AP2A1: variants seen among roughly 807,000 people sequenced by gnomAD.
AP2A1 encodes the protein adaptor related protein complex 2 subunit alpha 1, also known as AP-2 complex subunit alpha-1.
In AP2A1, 21 loss-of-function variants were observed where a neutral mutation model predicts 107.3. That is an observed-to-expected ratio of 0.20 (90% confidence interval 0.14 to 0.28). The LOEUF (loss-of-function observed/expected upper bound fraction) is 0.28, where lower values mean the gene tolerates loss of function less well. Among genes scored for constraint, AP2A1 ranks in the 10% least tolerant of loss-of-function variants. The pLI is 1.00. For missense variants in AP2A1, 873 were observed against 1,307.7 expected, an observed-to-expected ratio of 0.67 and a Z score of 5.13; for synonymous variants, 602 against 564.8, an observed-to-expected ratio of 1.07 and a Z score of -0.93.
In AP2A1 at chr19:49,788,009, T is replaced by C. The variant is rs572583091; in HGVS notation, c.474-3926T>C. On this transcript the variant is annotated intron_variant, in intron 4 of 22. Transcript: ENST00000354293. This position sits in a 1 kb window ranked among gnomAD's most constrained non-coding sequence, Gnocchi z 4.5. ...CTGCCCAGGCTGGAGTGCAGTGGCA[T>C]GATCATAGCTAACTGCAGCCCTGAC... Among the ~76,000 whole-genome samples, 69 of 152,346 alleles carry C rather than the reference T, an allele frequency of 4.5e-4. No individual in the cohort carries two copies. Among genetic ancestry groups the C allele is most frequent in the African/African-American group, 1.5e-3 (61 of 41,584 alleles).
At chr19:49,803,453 G>C (rs1234947287) in intron 18 of AP2A1, 77 bp downstream of exon 18, 57 of 1,181,140 alleles carry the variant, frequency 4.8e-5, no homozygotes, top group East Asian at 3.8e-4. Flanking sequence ...GGCTGACCCA[G>C]GTCCACACTT....
At chr19:49,778,559 G>A (rs2084640283) in intron 1 of AP2A1, among the ~76,000 whole-genome samples, 1 of 152,096 alleles carries the variant, frequency 6.6e-6, no homozygotes, top group African/African-American at 2.4e-5. Flanking sequence ...CTCCAGCCTG[G>A]GCGACAAGAG....
intron 20 of AP2A1, 38 bp from the exon 21 acceptor site, chr19:49,805,834 C>T (rs754346138): frequency 6.2e-7 from 1 of 1,612,872 alleles, no homozygotes; most frequent in African/African-American, 1.3e-5. Context: ...GCGGGTCGGG[C>T]CGTCCAGGTC....
intron 1 of AP2A1, among the ~76,000 whole-genome samples, chr19:49,780,080 A>G (rs116711254): frequency 0.016 from 2,461 of 152,328 alleles, 62 homozygotes; most frequent in African/African-American, 0.056. Flanking sequence ...GCTGGGGACT[A>G]CGCCCTGAAG....
chr19:49,806,705 A>G lies in AP2A1; in HGVS notation c.2815A>G (p.Ser939Gly), dbSNP rs779379351. The G allele has an allele frequency of 6.2e-7, 1 of 1,613,140 alleles. No homozygotes were observed. The highest frequency in any genetic ancestry group is 8.5e-7 in the Non-Finnish European group (1 of 1,179,810). Residue 939 changes from serine to glycine, a missense_variant, in exon 23 of 23, where the codon AGC becomes GGC. Physicochemically the swap from Ser to Gly is moderately conservative, Grantham distance 56. Around this residue, in one of 4 missense-constraint regions of AP2A1, gnomAD observed 416 missense variants for 473.4 expected, o/e 0.88. Transcript: ENST00000354293. ...GATGTACCGGCTGACCCTGCGCACCAGCAAGGAGCCCGTCTCCCGTCACCT... is the reference window on the plus strand; with the variant it reads ...GATGTACCGGCTGACCCTGCGCACCGGCAAGGAGCCCGTCTCCCGTCACCT... Reference protein sequence around the residue: ...AQMYRLTLRTSKEPVSRHLCE... With the variant: ...AQMYRLTLRTGKEPVSRHLCE...
intron 1 of AP2A1, among the ~76,000 whole-genome samples, chr19:49,769,427 G>C (rs761218706): frequency 6.6e-6 from 1 of 152,166 alleles, no homozygotes; most frequent in Non-Finnish European, 1.5e-5. Context: ...AGGGTACTCA[G>C]TAGGCCTCGT....
intron 6 of AP2A1, among the ~76,000 whole-genome samples, chr19:49,795,318 C>T (rs934809671): frequency 9.9e-5 from 15 of 152,176 alleles, no homozygotes; most frequent in African/African-American, 7.2e-5. Context: ...GTGTGCCTGA[C>T]GCTTCCTCGC....
intron 15 of AP2A1, chr19:49,802,514 T>C (rs1489378629): frequency 2.5e-6 from 4 of 1,604,688 alleles, no homozygotes; most frequent in South Asian, 2.2e-5. Context: ...TCTTGTCTGC[T>C]CTGGGATTGG....
chr19:49,787,338 G>GTTTTTTT (rs1418425703), intron 4 of AP2A1, among the ~76,000 whole-genome samples: 8 of 89,760 alleles, frequency 8.9e-5, no homozygotes, highest in African/African-American at 1.5e-4. Flanking sequence ...TTTTTTGTTT[G>GTTTTTTT]TTTTTTTTGT....
chr19:49,791,228 ATTT>A (rs890767006), intron 4 of AP2A1, among the ~76,000 whole-genome samples: 35 of 152,266 alleles, frequency 2.3e-4, no homozygotes, highest in South Asian at 4.1e-4. Context: ...TTATTTTTAA[ATTT>A]TTTTATTTAT....
chr19:49,787,827 C>A (rs2073092791), intron 4 of AP2A1, among the ~76,000 whole-genome samples: 3 of 152,214 alleles, frequency 2.0e-5, no homozygotes, highest in South Asian at 4.1e-4. Flanking sequence ...AATCTGCTTT[C>A]TGTCACAGAT....
Position 49,771,716 on chromosome 19 carries a change from G to A in AP2A1, c.67+4516G>A, listed in dbSNP as rs577730632. Among the ~76,000 whole-genome samples, 10 of 152,054 alleles carry A rather than the reference G, an allele frequency of 6.6e-5. No homozygotes were observed. In the South Asian group the frequency reaches 2.1e-3, roughly 32 times the overall value. ...GAGCCACCGCGCCTGGCCGTATCTC[G>A]ATTTTTTTTTAAATGGGGAAAGAAT... On this transcript the variant is annotated intron_variant, in intron 1 of 22. Coordinates refer to ENST00000354293, the MANE Select transcript of AP2A1 (RefSeq NM_130787.3).
intron 6 of AP2A1, among the ~76,000 whole-genome samples, chr19:49,795,216 G>A (rs1288788121): frequency 6.6e-6 from 1 of 152,178 alleles, no homozygotes; most frequent in African/African-American, 2.4e-5. Flanking sequence ...CACACAGAAG[G>A]GAACCAGCAG....
At position 49,798,095 on chromosome 19, in the gene AP2A1, C is replaced by T. The variant is rs77658037; in HGVS notation, c.815-707C>T. ...TTCCTCTATCTGGTGAATTTTCCTG[C>T]GGAAAATTCTGCAGAAAAATCTGCG... On this transcript the variant is annotated intron_variant, in intron 7 of 22. Coordinates refer to ENST00000354293, the MANE Select transcript of AP2A1 (RefSeq NM_130787.3). Among the ~76,000 whole-genome samples the T allele has an allele frequency of 6.2e-3, 948 of 152,278 alleles. 6 individuals carry two copies. Among genetic ancestry groups the T allele is most frequent in the African/African-American group, 0.021 (881 of 41,564 alleles).
chr19:49,805,796 G>A lies in AP2A1; in HGVS notation c.2585+19G>A. ...TGAGCCTGTGAGGGGTGGGGAGGGGGCGGAGCCAAAGCCGCGCCTCTGGGT... is the reference window on the plus strand; with the variant it reads ...TGAGCCTGTGAGGGGTGGGGAGGGGACGGAGCCAAAGCCGCGCCTCTGGGT... On this transcript the variant is annotated intron_variant, in intron 20 of 22. Transcript: ENST00000354293. 1 of 1,608,824 alleles carries A rather than the reference G, an allele frequency of 6.2e-7. No homozygotes were observed. Among genetic ancestry groups the A allele is most frequent in the South Asian group, 1.1e-5 (1 of 90,524 alleles).
chr19:49,791,810 G>A (rs982877688), intron 4 of AP2A1, 125 bp from the exon 5 acceptor site: 7 of 1,290,990 alleles, frequency 5.4e-6, no homozygotes, highest in East Asian at 2.6e-5. Flanking sequence ...TCCTGCGGCC[G>A]CCTGGCTGTC....
chr19:49,776,170 C>G (rs1248678261), intron 1 of AP2A1, among the ~76,000 whole-genome samples: 1 of 152,084 alleles, frequency 6.6e-6, no homozygotes, highest in South Asian at 2.1e-4. Context: ...GTGGTCTGGC[C>G]CCACCTGCTG....
intron 6 of AP2A1, among the ~76,000 whole-genome samples, chr19:49,794,370 T>G (rs1177672870): frequency 6.6e-6 from 1 of 151,530 alleles, no homozygotes; most frequent in Non-Finnish European, 1.5e-5. Context: ...GCCTGGCTAA[T>G]TTTTGTATTT....
intron 18 of AP2A1, chr19:49,804,515 G>A (rs1335253757): frequency 6.6e-6 from 1 of 151,596 alleles, no homozygotes; most frequent in Non-Finnish European, 1.5e-5. Flanking sequence ...ACTCCAGCCT[G>A]GGCGACAGCG....
Sources: gnomAD v4.1 joint callset for allele counts (sites outside exome capture counted in the v4.1 genomes callset) on GRCh38, gnomAD v4.1.1 for gene constraint, gnomAD v4.1.1 regional missense constraint, Gnocchi (gnomAD v3.1) non-coding constraint, MANE v1.5 for transcripts, NCBI Gene and HGNC (gene_info 2026-07-23, HGNC 2026-07-21) for gene names.